Variants in CMIP observed in about 807,000 individuals in gnomAD.
CMIP encodes C-Maf-inducing protein.
Under a neutral mutation model 97.3 loss-of-function variants are expected in CMIP, and 13 were observed. The ratio of observed to expected loss-of-function variants is 0.13; its 90% CI spans 0.09 to 0.21. CMIP has a LOEUF of 0.21. CMIP is among the 10% of genes least tolerant of loss of function. The pLI, the probability that CMIP is intolerant of heterozygous loss-of-function variation, is 1.00. For synonymous variants in CMIP, 538 were observed against 436.3 expected (o/e 1.23, Z -2.91); for missense variants, 847 against 1,024.9 (o/e 0.83, Z 2.37).
At chr16:81,554,761 G>A (rs1189694186) in intron 1 of CMIP, among the ~76,000 whole-genome samples, 2 of 152,328 alleles carry the variant, frequency 1.3e-5, no homozygotes, top group East Asian at 3.9e-4. Context: ...TCTGTAGAAT[G>A]GAGATAATCG....
Position 81,672,011 on chromosome 16 carries a change from C to G in CMIP, c.975C>G (p.Pro325=). The G allele has an allele frequency of 6.2e-7, 1 of 1,606,266 alleles. No individual in the cohort carries two copies. The highest frequency in any genetic ancestry group is 8.5e-7 in the Non-Finnish European group (1 of 1,176,154). The change falls in exon 9 of 21, where the codon CCC becomes CCG. Residue 325 remains proline, a synonymous_variant. Transcript: ENST00000537098. ...TGHCPHPRVL[P]NLVAVCLAAI... ...ACTGCCCCCACCCCCGGGTCCTGCC[C>G]AACCTGGTGGCCGTGTGCCTGGCTG...
chr16:81,460,004 G>T (rs988584067), intron 1 of CMIP, among the ~76,000 whole-genome samples: 2 of 152,210 alleles, frequency 1.3e-5, no homozygotes, highest in Non-Finnish European at 2.9e-5. Context: ...CAGTGGGGAA[G>T]GGAAGTTCCT....
chr16:81,594,895 G>T (rs897421337), intron 1 of CMIP, among the ~76,000 whole-genome samples: 1 of 150,430 alleles, frequency 6.6e-6, no homozygotes, highest in Non-Finnish European at 1.5e-5. Flanking sequence ...CTCCCAAAGT[G>T]CTGGGGATTA....
intron 1 of CMIP, among the ~76,000 whole-genome samples, chr16:81,602,229 A>G (rs1397486765): frequency 6.6e-6 from 1 of 151,994 alleles, no homozygotes; most frequent in Non-Finnish European, 1.5e-5. Flanking sequence ...GAGCAGGGAC[A>G]TCTATGTGCG....
intron 1 of CMIP, among the ~76,000 whole-genome samples, chr16:81,506,039 A>T (rs2150784554): frequency 6.6e-6 from 1 of 152,344 alleles, no homozygotes; most frequent in African/African-American, 2.4e-5. Context: ...ACTGCCGTTC[A>T]TTGAGTGCTT....
At chr16:81,660,022 A>G (rs189028992) in intron 5 of CMIP, among the ~76,000 whole-genome samples, 37 of 152,032 alleles carry the variant, frequency 2.4e-4, no homozygotes, top group African/African-American at 8.4e-4. Context: ...TAATTTTTCT[A>G]CCATAGCTTG....
chr16:81,675,883 T>G (rs1904299929), intron 9 of CMIP, among the ~76,000 whole-genome samples: 1 of 152,174 alleles, frequency 6.6e-6, no homozygotes, highest in African/African-American at 2.4e-5. Context: ...AGACTCTGCT[T>G]GTCTAACAAG....
Position 81,701,707 on chromosome 16 carries a change from C to A in CMIP, c.1803C>A (p.Thr601=). ...LEYNIIDNND[T]QLQIISTLES... ...ACAACATCATCGACAACAACGACAC[C>A]CAACTGCAGATCATCTCAACCCTGG... The change falls in exon 16 of 21, where the codon ACC becomes ACA. Residue 601 remains threonine (T), a synonymous_variant. Coordinates refer to ENST00000537098, the MANE Select transcript of CMIP (RefSeq NM_198390.3). 1 of 1,613,908 alleles carries A rather than the reference C, an allele frequency of 6.2e-7. No individual in the cohort carries two copies. The highest frequency in any genetic ancestry group is 8.5e-7 in the Non-Finnish European group (1 of 1,179,892).
chr16:81,486,960 A>T (rs766091115), intron 1 of CMIP, among the ~76,000 whole-genome samples: 1 of 152,256 alleles, frequency 6.6e-6, no homozygotes, highest in Non-Finnish European at 1.5e-5. Flanking sequence ...ACGGCAGGCG[A>T]TAACCGCACT....
intron 1 of CMIP, among the ~76,000 whole-genome samples, chr16:81,505,423 C>T (rs557444704): frequency 9.2e-5 from 14 of 152,286 alleles, no homozygotes; most frequent in Middle Eastern, 3.4e-3. Flanking sequence ...TGATCTTGTG[C>T]GTTTTGTCCA....
intron 1 of CMIP, among the ~76,000 whole-genome samples, chr16:81,499,739 C>A (rs1258287353): frequency 1.3e-5 from 2 of 152,228 alleles, no homozygotes; most frequent in Non-Finnish European, 2.9e-5. Context: ...CCCGTCCAGT[C>A]CTTTACCCCT....
chr16:81,536,904 C>T (rs2090353208), intron 1 of CMIP, among the ~76,000 whole-genome samples: 1 of 152,096 alleles, frequency 6.6e-6, no homozygotes, highest in Non-Finnish European at 1.5e-5. Context: ...TGAGCAGTAC[C>T]CCACCCCCTG....
At chr16:81,446,728 G>T (rs952888109) in intron 1 of CMIP, among the ~76,000 whole-genome samples, 34 of 152,230 alleles carry the variant, frequency 2.2e-4, no homozygotes, top group African/African-American at 7.5e-4. Flanking sequence ...TGTAGCGTGT[G>T]TAGACATTTC....
chr16:81,652,656 T>C lies in CMIP; in HGVS notation c.639+292T>C, dbSNP rs1223836379. Among the ~76,000 whole-genome samples, 1 of 152,182 alleles carries C rather than the reference T, an allele frequency of 6.6e-6. No homozygotes were observed. Among genetic ancestry groups the C allele is most frequent in the Non-Finnish European group, 1.5e-5 (1 of 68,012 alleles). ...CCCCATCTCTGTCTTCCCCTAGCAG[T>C]GGCCCACATGAGCTCCAGGGGTCCA... On this transcript the variant is annotated intron_variant, in intron 4 of 20. Transcript: ENST00000537098. This position sits in a 1 kb window ranked among gnomAD's most constrained non-coding sequence, Gnocchi z 5.2.
intron 10 of CMIP, among the ~76,000 whole-genome samples, chr16:81,682,425 C>T (rs746313302): frequency 2.0e-5 from 3 of 151,880 alleles, no homozygotes; most frequent in South Asian, 4.2e-4. Flanking sequence ...ATTAGCCTGG[C>T]GTGGTGGCAC....
At chr16:81,681,240 A>G (rs1904845017) in intron 10 of CMIP, among the ~76,000 whole-genome samples, 1 of 152,200 alleles carries the variant, frequency 6.6e-6, no homozygotes, top group Non-Finnish European at 1.5e-5. Flanking sequence ...TATTTTCCCA[A>G]CAACTTTCCT....
chr16:81,470,503 C>T (rs141200884), intron 1 of CMIP, among the ~76,000 whole-genome samples: 1 of 152,302 alleles, frequency 6.6e-6, no homozygotes, highest in Non-Finnish European at 1.5e-5. Context: ...GGAGAAAGTG[C>T]TAAAAATAAG....
At chr16:81,602,235 G>A (rs892034609) in intron 1 of CMIP, among the ~76,000 whole-genome samples, 1 of 151,674 alleles carries the variant, frequency 6.6e-6, no homozygotes, top group Admixed American at 6.6e-5. Context: ...GGACATCTAT[G>A]TGCGATAATG....
intron 3 of CMIP, among the ~76,000 whole-genome samples, chr16:81,636,632 G>A (rs2092240015): frequency 6.6e-6 from 1 of 151,352 alleles, no homozygotes; most frequent in African/African-American, 2.4e-5. Flanking sequence ...TAAGAATCCT[G>A]GGGAAAGATA....
Sources: gnomAD v4.1 joint callset for allele counts (sites outside exome capture counted in the v4.1 genomes callset) on GRCh38, gnomAD v4.1.1 for gene constraint, Gnocchi (gnomAD v3.1) non-coding constraint, MANE v1.5 for transcripts, NCBI Gene and HGNC (gene_info 2026-07-23, HGNC 2026-07-21) for gene names.